Variants in ATP6V0E1 observed in about 807,000 individuals in gnomAD.
ATP6V0E1 encodes the protein V-type proton ATPase subunit e 1.
ATP6V0E1 carries 4 observed loss-of-function variants against 11.6 expected under a neutral mutation model. The ratio of observed to expected loss-of-function variants is 0.35; its 90% CI spans 0.17 to 0.79. The LOEUF is 0.79. Ranked by LOEUF, ATP6V0E1 falls within the 30% of genes least tolerant of loss-of-function variation. The pLI is 0.54. For missense variants in ATP6V0E1, 105 were observed against 100.0 expected, an observed-to-expected ratio of 1.05 and a Z score of -0.21; for synonymous variants, 36 against 34.8, an observed-to-expected ratio of 1.04 and a Z score of -0.13.
At chr5:172,984,481 G>A (rs1311005991) in intron 1 of ATP6V0E1, among the ~76,000 whole-genome samples, 1 of 152,170 alleles carries the variant, frequency 6.6e-6, no homozygotes, top group Admixed American at 6.5e-5. Flanking sequence ...GAGGCGGTTG[G>A]GGCCTGATCT....
intron 1 of ATP6V0E1, among the ~76,000 whole-genome samples, chr5:172,989,345 A>G (rs1755945934): frequency 1.3e-5 from 2 of 152,086 alleles, no homozygotes; most frequent in Admixed American, 1.3e-4. Flanking sequence ...TCCCTTAAAA[A>G]AAAAATTCTC....
intron 2 of ATP6V0E1, among the ~76,000 whole-genome samples, chr5:173,016,121 C>T (rs1298795647): frequency 6.6e-6 from 1 of 152,162 alleles, no homozygotes; most frequent in Admixed American, 6.6e-5. Flanking sequence ...AGAGCCTCCC[C>T]GATTTATAGC....
At chr5:173,001,277 G>T (rs1262913555) in intron 2 of ATP6V0E1, among the ~76,000 whole-genome samples, 1 of 152,034 alleles carries the variant, frequency 6.6e-6, no homozygotes, top group Non-Finnish European at 1.5e-5. Flanking sequence ...CAAATCAAGA[G>T]CCAGAGAGGC....
chr5:172,989,139 A>C (rs1412575692), intron 1 of ATP6V0E1, among the ~76,000 whole-genome samples: 1 of 152,290 alleles, frequency 6.6e-6, no homozygotes, highest in East Asian at 1.9e-4. Flanking sequence ...ATAGAGACCA[A>C]GCCTGGGCAA....
intron 2 of ATP6V0E1, 38 bp downstream of exon 2, chr5:172,994,860 T>C (rs374828372): frequency 7.3e-5 from 110 of 1,498,480 alleles, no homozygotes; most frequent in Non-Finnish European, 9.5e-5. Context: ...TCTTGGTATT[T>C]GTAGTGTGTG....
chr5:173,032,251 T>TTATTTTATG (rs1756672922), intron 3 of ATP6V0E1, among the ~76,000 whole-genome samples: 1 of 122,360 alleles, frequency 8.2e-6, no homozygotes. Context: ...TTATTTTATT[T>TTATTTTATG]TATTTATTTA....
intron 3 of ATP6V0E1, among the ~76,000 whole-genome samples, chr5:173,023,044 A>G (rs1374730705): frequency 6.6e-6 from 1 of 151,740 alleles, no homozygotes; most frequent in African/African-American, 2.4e-5. Context: ...TTTTGTGGAA[A>G]TGAGGTCTCA....
Position 173,004,550 on chromosome 5 carries a change from A to C in ATP6V0E1, c.152+9728A>C, listed in dbSNP as rs140963513. Among the ~76,000 whole-genome samples the C allele has an allele frequency of 1.4e-4, 21 of 152,280 alleles. No homozygotes were observed. In the East Asian group the frequency reaches 3.9e-3, roughly 28 times the overall value. ...ATTTGGAAGAAAGGGGAAGATTTGGAAGAAAAGAAAGGGATGCACCATTGT... is the reference window on the plus strand; with the variant it reads ...ATTTGGAAGAAAGGGGAAGATTTGGCAGAAAAGAAAGGGATGCACCATTGT... On this transcript the variant is annotated intron_variant, in intron 2 of 3. Transcript: ENST00000519374.
At chr5:173,002,908 G>A (rs1475302517) in intron 2 of ATP6V0E1, among the ~76,000 whole-genome samples, 1 of 151,884 alleles carries the variant, frequency 6.6e-6, no homozygotes, top group Non-Finnish European at 1.5e-5. Context: ...GGGATAGCCG[G>A]GGACAGGGGT....
chr5:173,023,443 G>A (rs528051334), intron 3 of ATP6V0E1, among the ~76,000 whole-genome samples: 4 of 152,170 alleles, frequency 2.6e-5, no homozygotes, highest in South Asian at 2.1e-4. Flanking sequence ...TGATCCACCC[G>A]CCTAGGCCTC....
At chr5:173,026,764 G>A (rs1262035087) in intron 3 of ATP6V0E1, among the ~76,000 whole-genome samples, 1 of 152,100 alleles carries the variant, frequency 6.6e-6, no homozygotes, top group East Asian at 1.9e-4. Flanking sequence ...TGTTTTTGCT[G>A]ATGATCTTTA....
intron 2 of ATP6V0E1, among the ~76,000 whole-genome samples, chr5:173,003,438 A>T (rs1752053735): frequency 6.6e-6 from 1 of 152,180 alleles, no homozygotes; most frequent in African/African-American, 2.4e-5. Context: ...TTTGGGTTTC[A>T]TGTTAAGTGA....
intron 2 of ATP6V0E1, among the ~76,000 whole-genome samples, chr5:173,016,843 A>G (rs1756408090): frequency 6.6e-6 from 1 of 152,102 alleles, no homozygotes; most frequent in Non-Finnish European, 1.5e-5. Flanking sequence ...AAGTCTTAGT[A>G]TTGTGTTTGT....
intron 1 of ATP6V0E1, among the ~76,000 whole-genome samples, chr5:172,985,155 G>A (rs1354006452): frequency 1.3e-5 from 2 of 150,402 alleles, no homozygotes; most frequent in African/African-American, 2.5e-5. Flanking sequence ...TGAGGCAGGA[G>A]AATGGCGTGA....
In ATP6V0E1 at chr5:173,020,294, A is replaced by G. The variant is rs754522223; in HGVS notation, c.209A>G (p.Asn70Ser). ...CCTCTCTTTGGACCGCAATTGAAAAATGAAACCATCTGGTATCTGAAGTAT... is the reference window on the plus strand; with the variant it reads ...CCTCTCTTTGGACCGCAATTGAAAAGTGAAACCATCTGGTATCTGAAGTAT... ...LNPLFGPQLK[N>S]ETIWYLKYHW... Residue 70 changes from asparagine to serine, a missense_variant, in exon 3 of 4, where the codon AAT (asparagine) becomes AGT (serine). Coordinates refer to ENST00000519374, the MANE Select transcript of ATP6V0E1 (RefSeq NM_003945.4). 1.2e-6 allele frequency: 2 copies of G among 1,614,014 alleles called. No individual in the cohort carries two copies. Among genetic ancestry groups the G allele is most frequent in the Non-Finnish European group, 1.7e-6 (2 of 1,179,890 alleles).
chr5:172,996,624 C>G (rs1262804011), intron 2 of ATP6V0E1, among the ~76,000 whole-genome samples: 1 of 151,580 alleles, frequency 6.6e-6, no homozygotes, highest in East Asian at 1.9e-4. Context: ...TTCTTATGGG[C>G]TATGATTAGG....
intron 2 of ATP6V0E1, among the ~76,000 whole-genome samples, chr5:173,007,807 C>T (rs1266119674): frequency 6.6e-6 from 1 of 152,152 alleles, no homozygotes; most frequent in Non-Finnish European, 1.5e-5. Context: ...CAGGGTTTGC[C>T]TGGAGTTTCT....
chr5:173,030,693 C>G (rs1756636276), intron 3 of ATP6V0E1, among the ~76,000 whole-genome samples: 1 of 151,950 alleles, frequency 6.6e-6, no homozygotes, highest in South Asian at 2.1e-4. Flanking sequence ...CGCCCCGCCT[C>G]CCAGAGTGCT....
Position 173,035,342 on chromosome 5 carries a change from A to G in ATP6V0E1, c.*980A>G, listed in dbSNP as rs116057826. ...CAAGAGTGATTAAAAAGCCAGGGGC[A>G]GGAGACAGTAATTTTGTATTTCAGT... On this transcript the variant is annotated 3_prime_UTR_variant, in exon 4 of 4. Coordinates refer to ENST00000519374, the MANE Select transcript of ATP6V0E1 (RefSeq NM_003945.4). 4.1e-3 allele frequency: 627 copies of G among 152,324 alleles called. 3 individuals are homozygous for G. The highest frequency in any genetic ancestry group is 0.014 in the African/African-American group (590 of 41,566). 9.4% of individuals were successfully genotyped at this position (152,324 alleles called of 1,614,324 possible).
Sources: allele counts gnomAD v4.1 joint callset (sites outside exome capture counted in the v4.1 genomes callset), GRCh38; gene constraint gnomAD v4.1.1; transcripts MANE v1.5; gene names NCBI Gene and HGNC (gene_info 2026-07-23, HGNC 2026-07-21).